Variants in SGCZ observed in about 807,000 individuals in gnomAD.
SGCZ encodes sarcoglycan zeta.
In SGCZ, 40 loss-of-function variants were observed where a neutral mutation model predicts 41.3. That is an observed-to-expected ratio of 0.97 (90% CI 0.75 to 1.26). The LOEUF is 1.26. Among genes scored for constraint, SGCZ ranks in the 50% most tolerant of loss-of-function variants. The probability of loss-of-function intolerance (pLI) is 0.00; values close to 1 mark genes in which losing one functional copy is unlikely to be tolerated. For missense variants in SGCZ, 552 were observed against 369.8 expected (o/e 1.49, Z -4.04); for synonymous variants, 206 against 137.5 (o/e 1.50, Z -3.49).
At chr8:14,141,981 C>T (rs993412228) in intron 5 of SGCZ, among the ~76,000 whole-genome samples, 2 of 152,196 alleles carry the variant, frequency 1.3e-5, no homozygotes, top group Admixed American at 6.5e-5. Context: ...GAATACTCTG[C>T]AGTCATAAAA....
chr8:14,275,103 G>A (rs1211101539), intron 3 of SGCZ, among the ~76,000 whole-genome samples: 1 of 152,176 alleles, frequency 6.6e-6, no homozygotes, highest in Non-Finnish European at 1.5e-5. Context: ...ACAAGGTGCT[G>A]AAAACATGTG....
In SGCZ at chr8:14,157,595, T is replaced by TA. The variant is rs935774126; in HGVS notation, c.547+6984dup. 2.8e-3 allele frequency among the ~76,000 whole-genome samples: 400 copies of TA among 144,578 alleles called. 2 individuals carry two copies. The highest frequency in any genetic ancestry group is 7.0e-3 in the Middle Eastern group (2 of 284). The allele number at this position is 144,578 out of a possible 152,430, so 94.8% of individuals were successfully genotyped here. ...TAAAATAAGTACTTGTGCAGAAAAA[T>TA]AAAAAAAAAACATGGTCAGTAGATT... On this transcript the variant is annotated intron_variant, in intron 5 of 7. Transcript: ENST00000382080.
chr8:14,519,359 C>T (rs889004188), intron 2 of SGCZ, among the ~76,000 whole-genome samples: 1 of 151,876 alleles, frequency 6.6e-6, no homozygotes, highest in African/African-American at 2.4e-5. Flanking sequence ...TAAAATAAAA[C>T]TTTGTAATGA....
chr8:14,850,564 A>G (rs1158807507), intron 1 of SGCZ, among the ~76,000 whole-genome samples: 1 of 152,228 alleles, frequency 6.6e-6, no homozygotes, highest in Admixed American at 6.5e-5. Context: ...TATACAAGAC[A>G]TGGAGCTACT....
rs532250639 is a variant in SGCZ, at chr8:14,409,484, A to T, written c.235-85280T>A. Among the ~76,000 whole-genome samples, 9 of 151,698 alleles carry T rather than the reference A, an allele frequency of 5.9e-5. No homozygotes were observed. The South Asian group carries it at 1.9e-3, about 32-fold the overall frequency. On this transcript the variant is annotated intron_variant, in intron 2 of 7. Transcript: ENST00000382080. ...TGCTGGCTCAGAATTTGAAAAAAAA[A>T]TCAGAATATTCACTTTTAAAATATG... is the stretch of plus-strand genomic sequence containing the variant.
chr8:14,822,862 T>G (rs117610794), intron 1 of SGCZ, among the ~76,000 whole-genome samples: 4,245 of 152,120 alleles, frequency 0.028, 107 homozygotes, highest in Admixed American at 0.066. Context: ...GTGACCAGCG[T>G]GTGCAACATT....
intron 1 of SGCZ, among the ~76,000 whole-genome samples, chr8:15,124,495 T>G (rs1238278370): frequency 5.9e-5 from 9 of 152,162 alleles, no homozygotes. Flanking sequence ...GGGCAGCTAT[T>G]CCAGCCATGA....
intron 2 of SGCZ, among the ~76,000 whole-genome samples, chr8:14,412,325 T>C (rs1209861175): frequency 6.6e-6 from 1 of 152,106 alleles, no homozygotes; most frequent in African/African-American, 2.4e-5. Context: ...AAGCATTTAG[T>C]AGACTGTGAC....
intron 2 of SGCZ, among the ~76,000 whole-genome samples, chr8:14,513,227 G>T (rs1247768699): frequency 6.6e-6 from 1 of 151,676 alleles, no homozygotes; most frequent in Non-Finnish European, 1.5e-5. Flanking sequence ...TGTAGAGACA[G>T]GGGTCTCCCT....
intron 1 of SGCZ, among the ~76,000 whole-genome samples, chr8:14,750,591 T>C (rs1456385709): frequency 1.3e-5 from 2 of 152,182 alleles, no homozygotes; most frequent in African/African-American, 4.8e-5. Flanking sequence ...GTTCCAAGAA[T>C]GATATGGTGT....
At chr8:15,090,826 G>T (rs1806130035) in intron 1 of SGCZ, among the ~76,000 whole-genome samples, 2 of 152,100 alleles carry the variant, frequency 1.3e-5, no homozygotes, top group Admixed American at 6.6e-5. Context: ...AGAGTGAAAG[G>T]TTGCCCAGTT....
intron 1 of SGCZ, among the ~76,000 whole-genome samples, chr8:14,650,093 G>A (rs561431555): frequency 2.0e-5 from 3 of 152,180 alleles, no homozygotes; most frequent in African/African-American, 7.2e-5. Flanking sequence ...GTTTGACTGA[G>A]CACCCAGACA....
intron 2 of SGCZ, among the ~76,000 whole-genome samples, chr8:14,354,129 C>A (rs759236115): frequency 6.6e-6 from 1 of 151,928 alleles, no homozygotes; most frequent in East Asian, 1.9e-4. Flanking sequence ...TATAAAAGTG[C>A]GTATCTCTGT....
At chr8:14,672,974 G>T (rs1011133306) in intron 1 of SGCZ, among the ~76,000 whole-genome samples, 3 of 152,190 alleles carry the variant, frequency 2.0e-5, no homozygotes, top group Admixed American at 6.5e-5. Flanking sequence ...AAAGAAAGCA[G>T]TGTTGCTGTG....
Position 14,515,769 on chromosome 8 carries a change from T to C in SGCZ, c.234+38963A>G, listed in dbSNP as rs556670974. Among the ~76,000 whole-genome samples, 11 of 152,230 alleles carry C rather than the reference T, an allele frequency of 7.2e-5. No homozygotes were observed. In the South Asian group the frequency reaches 1.5e-3, roughly 20 times the overall value. On this transcript the variant is annotated intron_variant, in intron 2 of 7. Transcript: ENST00000382080. The stretch of plus-strand genomic sequence containing the variant: ...GAATTACACTTCCAATAATGGTAGC[T>C]GAGTGAGCCAATTTTCTAGCACCTT...
intron 2 of SGCZ, among the ~76,000 whole-genome samples, chr8:14,330,168 A>T (rs987845104): frequency 6.6e-6 from 1 of 152,116 alleles, no homozygotes; most frequent in Admixed American, 6.6e-5. Flanking sequence ...ATTTTAGTTA[A>T]CTGTGTATAC....
rs559683920 is a variant in SGCZ, at chr8:14,533,283, T to C, written c.234+21449A>G. 3.5e-4 allele frequency among the ~76,000 whole-genome samples: 53 copies of C among 152,090 alleles called. No individual in the cohort carries two copies. The South Asian group carries it at 0.011, about 30-fold the overall frequency. Reference sequence around the variant, plus strand: ...CAAAATGGTATTTGTGTACATCCAATGTACCTTTGTAAAATTTAAGAATTT... The same window carrying C: ...CAAAATGGTATTTGTGTACATCCAACGTACCTTTGTAAAATTTAAGAATTT... On this transcript the variant is annotated intron_variant, in intron 2 of 7. Transcript: ENST00000382080.
chr8:14,352,273 G>A (rs1487074708), intron 2 of SGCZ, among the ~76,000 whole-genome samples: 3 of 152,036 alleles, frequency 2.0e-5, no homozygotes, highest in Non-Finnish European at 2.9e-5. Flanking sequence ...ACTGAGTGAG[G>A]AAGGTGCAGG....
At chr8:14,688,297 A>C (rs1378035351) in intron 1 of SGCZ, among the ~76,000 whole-genome samples, 2 of 152,124 alleles carry the variant, frequency 1.3e-5, no homozygotes, top group Non-Finnish European at 2.9e-5. Flanking sequence ...GGTAATGCCT[A>C]GGTTTTCTTC....
Sources: allele counts gnomAD v4.1 joint callset (sites outside exome capture counted in the v4.1 genomes callset), GRCh38; gene constraint gnomAD v4.1.1; transcripts MANE v1.5; gene names NCBI Gene and HGNC (gene_info 2026-07-23, HGNC 2026-07-21).